DAPK1: variants seen among roughly 807,000 people sequenced by gnomAD.
DAPK1 encodes death-associated protein kinase 1.
Under a neutral mutation model 144.9 loss-of-function variants are expected in DAPK1, and 56 were observed. The observed-to-expected ratio is 0.39, with a 90% CI of 0.31 to 0.48. DAPK1 has a LOEUF of 0.48. Among genes scored for constraint, DAPK1 ranks in the 20% least tolerant of loss-of-function variants. DAPK1 has a pLI of 0.95. For synonymous variants in DAPK1, 690 were observed against 749.0 expected (o/e 0.92, Z 1.29); for missense variants, 1,454 against 1,875.4 (o/e 0.78, Z 4.15).
chr9:87,703,283 C>G (rs1825521593), intron 25 of DAPK1, 66 bp downstream of exon 25: 1 of 901,572 alleles, frequency 1.1e-6, no homozygotes, highest in South Asian at 1.4e-5. Context: ...GTCCCAAATT[C>G]CAGCTCTTGG....
chr9:87,551,233 TG>T (rs1283135009), intron 2 of DAPK1, among the ~76,000 whole-genome samples: 1 of 152,016 alleles, frequency 6.6e-6, no homozygotes, highest in Non-Finnish European at 1.5e-5. Context: ...CTGCAACCTC[TG>T]CCTCCTGGGT....
chr9:87,668,318 T>G (rs979925216), intron 18 of DAPK1: 1 of 422,882 alleles, frequency 2.4e-6, no homozygotes, highest in African/African-American at 2.0e-5. Flanking sequence ...AGGAGGCTGT[T>G]GAGTTGTGAT....
At position 87,530,860 on chromosome 9, in the gene DAPK1, G is replaced by A. The variant is rs547641486; in HGVS notation, c.62+31721G>A. On this transcript the variant is annotated intron_variant, in intron 2 of 25. Coordinates refer to ENST00000408954, the MANE Select transcript of DAPK1 (RefSeq NM_004938.4). ...GAAGGTCATCCTCACTGGAACAAAG[G>A]TAGTCACTGGGGCCAGACCAGTGAC... Among the ~76,000 whole-genome samples the A allele has an allele frequency of 2.6e-5, 4 of 152,222 alleles. No homozygotes were observed. In the East Asian group the frequency reaches 7.8e-4, roughly 30 times the overall value.
chr9:87,531,617 T>G (rs1825700403), intron 2 of DAPK1, among the ~76,000 whole-genome samples: 1 of 152,108 alleles, frequency 6.6e-6, no homozygotes, highest in South Asian at 2.1e-4. Flanking sequence ...CAGTGTAATG[T>G]TGAGAAAAAA....
chr9:87,560,095 A>G (rs982984066), intron 2 of DAPK1, among the ~76,000 whole-genome samples: 6 of 150,462 alleles, frequency 4.0e-5, no homozygotes, highest in African/African-American at 1.5e-4. Context: ...GGTTCAAGCT[A>G]TTCTCCTGCC....
chr9:87,661,020 A>G (rs2119232756), intron 18 of DAPK1, among the ~76,000 whole-genome samples: 1 of 152,122 alleles, frequency 6.6e-6, no homozygotes, highest in East Asian at 1.9e-4. Context: ...TTGTATTTTT[A>G]GTAGAGACGG....
intron 2 of DAPK1, among the ~76,000 whole-genome samples, chr9:87,510,804 AG>A (rs1468955554): frequency 3.3e-5 from 5 of 150,796 alleles, no homozygotes; most frequent in Middle Eastern, 3.4e-3. Flanking sequence ...ACTTTGGGAA[AG>A]TCACTTGACT....
intron 2 of DAPK1, among the ~76,000 whole-genome samples, chr9:87,540,858 A>G (rs1826027061): frequency 6.6e-6 from 1 of 152,152 alleles, no homozygotes; most frequent in Non-Finnish European, 1.5e-5. Context: ...TTGACCTATA[A>G]TTGTTGAATT....
chr9:87,594,528 G>T (rs1046918368), intron 2 of DAPK1, among the ~76,000 whole-genome samples: 2 of 152,210 alleles, frequency 1.3e-5, no homozygotes, highest in Non-Finnish European at 2.9e-5. Context: ...AAGGAACTGG[G>T]CCTAGAGGAA....
At chr9:87,571,754 T>C (rs938688581) in intron 2 of DAPK1, among the ~76,000 whole-genome samples, 3 of 152,182 alleles carry the variant, frequency 2.0e-5, no homozygotes, top group African/African-American at 7.2e-5. Context: ...ATGAGAGAGC[T>C]TGGGGGCCTT....
At chr9:87,542,935 G>C (rs923774592) in intron 2 of DAPK1, among the ~76,000 whole-genome samples, 2 of 152,186 alleles carry the variant, frequency 1.3e-5, no homozygotes, top group Non-Finnish European at 2.9e-5. Context: ...CTGGTAACTT[G>C]GCTCATAGGT....
chr9:87,562,175 G>T (rs1826952161), intron 2 of DAPK1, among the ~76,000 whole-genome samples: 1 of 152,206 alleles, frequency 6.6e-6, no homozygotes, highest in African/African-American at 2.4e-5. Flanking sequence ...TTACCTTCTT[G>T]GGGTTCAGGT....
At chr9:87,526,602 GTCTATGGGAAGCTT>G (rs1825517500) in intron 2 of DAPK1, among the ~76,000 whole-genome samples, 2 of 152,124 alleles carry the variant, frequency 1.3e-5, no homozygotes, top group Admixed American at 1.3e-4. Context: ...CCCTCCATTA[GTCTATGGGAAGCTT>G]TCTAGAGAAT....
intron 18 of DAPK1, among the ~76,000 whole-genome samples, chr9:87,664,733 C>T (rs1160066367): frequency 6.6e-6 from 1 of 152,218 alleles, no homozygotes; most frequent in Non-Finnish European, 1.5e-5. Flanking sequence ...CCCCACGCAG[C>T]CGCCTGGTCA....
intron 20 of DAPK1, 138 bp downstream of exon 20, chr9:87,681,764 G>C: frequency 4.5e-6 from 3 of 672,750 alleles, no homozygotes; most frequent in Non-Finnish European, 8.2e-6. Context: ...GTGGTTTTCA[G>C]GTCCAGGTTG....
At chr9:87,691,863 T>A (rs542894804) in intron 21 of DAPK1, among the ~76,000 whole-genome samples, 2 of 152,156 alleles carry the variant, frequency 1.3e-5, no homozygotes, top group Non-Finnish European at 1.5e-5. Context: ...ATGATTTCAA[T>A]TTTTTTTACA....
chr9:87,573,660 T>C (rs939836024), intron 2 of DAPK1, among the ~76,000 whole-genome samples: 2 of 152,226 alleles, frequency 1.3e-5, no homozygotes, highest in South Asian at 2.1e-4. Flanking sequence ...GTCAGCACTT[T>C]ATGTCAGTGT....
At chr9:87,504,244 G>A (rs1824507513) in intron 2 of DAPK1, among the ~76,000 whole-genome samples, 3 of 152,194 alleles carry the variant, frequency 2.0e-5, no homozygotes, top group African/African-American at 4.8e-5. Flanking sequence ...TTTTAAGAGA[G>A]ATAAAGTTCA....
chr9:87,697,163 T>A lies in DAPK1; in HGVS notation c.2570T>A (p.Leu857His). Reference sequence around the variant, plus strand: ...CAGCTGAACCAAGTGATTTTCTGGCTCAGTTTCCTGAAGTCCCTTGTCCCA... The same window carrying A: ...CAGCTGAACCAAGTGATTTTCTGGCACAGTTTCCTGAAGTCCCTTGTCCCA... ...EIQLNQVIFW[L>H]SFLKSLVPVE... Residue 857 changes from leucine (L) to histidine (H), a missense_variant, in exon 22 of 26, where the codon CTC becomes CAC. By Grantham distance (99) the Leu-to-His change is moderately conservative. Transcript: ENST00000408954. 2 of 1,589,312 alleles carry A rather than the reference T, an allele frequency of 1.3e-6. No homozygotes were observed. Among genetic ancestry groups the A allele is most frequent in the Non-Finnish European group, 1.7e-6 (2 of 1,157,364 alleles).
Sources: allele counts gnomAD v4.1 joint callset (sites outside exome capture counted in the v4.1 genomes callset), GRCh38; gene constraint gnomAD v4.1.1; transcripts MANE v1.5; gene names NCBI Gene and HGNC (gene_info 2026-07-23, HGNC 2026-07-21).